The following STRBP variants were observed in gnomAD, a reference collection of about 807,000 sequenced individuals.
STRBP encodes spermatid perinuclear RNA-binding protein.
In STRBP, 13 loss-of-function variants were observed where a neutral mutation model predicts 80.1. The observed-to-expected ratio is 0.16, with a 90% confidence interval of 0.11 to 0.26. The LOEUF is 0.26. STRBP is among the 10% of genes least tolerant of loss of function. The pLI is 1.00. For missense variants in STRBP, 485 were observed against 815.2 expected (o/e 0.59, Z 4.93); for synonymous variants, 284 against 291.2 (o/e 0.98, Z 0.25).
At chr9:123,235,330 T>C (rs1292749585) in intron 2 of STRBP, among the ~76,000 whole-genome samples, 2 of 150,672 alleles carry the variant, frequency 1.3e-5, no homozygotes, top group African/African-American at 4.9e-5. Flanking sequence ...TCAATATGTG[T>C]ATGTTAAAAT....
At chr9:123,235,584 C>CAAAAAAAAAAAAAA (rs71390421) in intron 2 of STRBP, among the ~76,000 whole-genome samples, 1 of 36,530 alleles carries the variant, frequency 2.7e-5, no homozygotes, top group African/African-American at 8.2e-5. Context: ...ACAAGTTCAG[C>CAAAAAAAAAAAAAA]AAAAAAAAAA....
At chr9:123,245,282 A>G (rs1181138514) in intron 1 of STRBP, among the ~76,000 whole-genome samples, 1 of 152,210 alleles carries the variant, frequency 6.6e-6, no homozygotes, top group Non-Finnish European at 1.5e-5. Flanking sequence ...TCATATGCAC[A>G]CTGGAATTAC....
intron 7 of STRBP, among the ~76,000 whole-genome samples, chr9:123,160,732 T>A (rs1201989611): frequency 6.6e-6 from 1 of 152,250 alleles, no homozygotes; most frequent in Non-Finnish European, 1.5e-5. Flanking sequence ...CAGTCATGTT[T>A]GATTTTATAA....
chr9:123,143,806 T>TA lies in STRBP; in HGVS notation c.1338+3048dup, dbSNP rs1454543868. Among the ~76,000 whole-genome samples, 7 of 152,360 alleles carry TA rather than the reference T, an allele frequency of 4.6e-5. No individual in the cohort carries two copies. The East Asian group carries it at 1.2e-3, about 25-fold the overall frequency. ...AATGATTAGTTACATTATGATACTG[T>TA]AACAGACCATCTGCTAATAATGAAA... On this transcript the variant is annotated intron_variant, in intron 13 of 18. Coordinates refer to ENST00000348403, the MANE Select transcript of STRBP (RefSeq NM_018387.5).
chr9:123,197,436 A>G (rs1219044926), intron 2 of STRBP, among the ~76,000 whole-genome samples: 3 of 152,050 alleles, frequency 2.0e-5, no homozygotes, highest in African/African-American at 7.2e-5. Context: ...ATTTTAGTGC[A>G]CTCATCACCC....
chr9:123,233,337 G>A (rs2040451182), intron 2 of STRBP, among the ~76,000 whole-genome samples: 1 of 152,100 alleles, frequency 6.6e-6, no homozygotes, highest in Admixed American at 6.5e-5. Flanking sequence ...AGCTTCCCAA[G>A]AGTCATTAGG....
At chr9:123,175,938 T>C (rs528904025) in intron 4 of STRBP, among the ~76,000 whole-genome samples, 7 of 152,366 alleles carry the variant, frequency 4.6e-5, no homozygotes, top group African/African-American at 1.7e-4. Flanking sequence ...GAAAGCAATT[T>C]AGAAAATGAC....
At chr9:123,205,804 C>A (rs1478849825) in intron 2 of STRBP, among the ~76,000 whole-genome samples, 1 of 152,170 alleles carries the variant, frequency 6.6e-6, no homozygotes, top group African/African-American at 2.4e-5. Context: ...GTATCTAGGT[C>A]AGAAAAGACA....
chr9:123,207,522 G>A (rs532315793), intron 2 of STRBP, among the ~76,000 whole-genome samples: 1 of 152,028 alleles, frequency 6.6e-6, no homozygotes, highest in Non-Finnish European at 1.5e-5. Context: ...TCAAAGTAAT[G>A]ACAAAAAATT....
chr9:123,116,227 A>G (rs537924255), intron 2 of STRBP: 1 of 379,360 alleles, frequency 2.6e-6, no homozygotes, highest in African/African-American at 2.1e-5. Context: ...CATGGGTTAG[A>G]GCACATGTTT....
rs768661986 is a variant in STRBP, at chr9:123,130,370, C to T, written c.1898-2112G>A. The stretch of plus-strand genomic sequence containing the variant: ...AAAATAACTTCATTTTTAAAAGCTT[C>T]GGGACACAGGCCTTTCAGGGAGGTC... On this transcript the variant is annotated intron_variant, in intron 17 of 18. Transcript: ENST00000348403. Among the ~76,000 whole-genome samples the T allele has an allele frequency of 7.2e-5, 11 of 152,170 alleles. No homozygotes were observed. In the East Asian group the frequency reaches 1.9e-3, roughly 27 times the overall value.
intron 17 of STRBP, among the ~76,000 whole-genome samples, chr9:123,131,424 A>C (rs572779294): frequency 1.3e-5 from 2 of 152,266 alleles, no homozygotes; most frequent in East Asian, 3.9e-4. Flanking sequence ...CACATTCCAC[A>C]CATTCTGGAC....
intron 11 of STRBP, among the ~76,000 whole-genome samples, chr9:123,149,218 C>G (rs2036950988): frequency 6.6e-6 from 1 of 152,164 alleles, no homozygotes. Flanking sequence ...GAGGTAAACA[C>G]TGACTTCAGC....
chr9:123,145,266 G>A (rs1197184741), intron 13 of STRBP, among the ~76,000 whole-genome samples: 2 of 152,104 alleles, frequency 1.3e-5, no homozygotes, highest in African/African-American at 2.4e-5. Flanking sequence ...CAAAAGCTCA[G>A]GTGAATAAAA....
chr9:123,176,911 CT>C (rs1404989634), intron 4 of STRBP, among the ~76,000 whole-genome samples: 2 of 152,096 alleles, frequency 1.3e-5, no homozygotes, highest in Non-Finnish European at 2.9e-5. Context: ...AGTTATTTGA[CT>C]TTTGAATCCA....
chr9:123,180,611 C>G (rs2038417007), intron 3 of STRBP, among the ~76,000 whole-genome samples: 1 of 152,052 alleles, frequency 6.6e-6, no homozygotes, highest in African/African-American at 2.4e-5. Flanking sequence ...AGGGTGGTAC[C>G]ACTAACTAAA....
intron 1 of STRBP, among the ~76,000 whole-genome samples, chr9:123,246,970 C>G (rs2040812037): frequency 6.6e-6 from 1 of 152,104 alleles, no homozygotes; most frequent in Admixed American, 6.5e-5. Context: ...TCACCTTGAA[C>G]TTAGAAATCA....
chr9:123,211,137 C>G (rs1445483415), intron 2 of STRBP, among the ~76,000 whole-genome samples: 1 of 152,130 alleles, frequency 6.6e-6, no homozygotes, highest in Admixed American at 6.5e-5. Context: ...GGAAAACATG[C>G]AAAACGTCCA....
intron 1 of STRBP, among the ~76,000 whole-genome samples, chr9:123,245,727 A>G (rs1465248013): frequency 4.6e-5 from 7 of 152,218 alleles, no homozygotes; most frequent in Non-Finnish European, 1.0e-4. Flanking sequence ...CTAACGTTCA[A>G]TCAAGAATGA....
Sources: gnomAD v4.1 joint callset for allele counts (sites outside exome capture counted in the v4.1 genomes callset) on GRCh38, gnomAD v4.1.1 for gene constraint, MANE v1.5 for transcripts, NCBI Gene and HGNC (gene_info 2026-07-23, HGNC 2026-07-21) for gene names.